The following RTKN2 variants were observed in gnomAD, a reference collection of about 807,000 sequenced individuals.
RTKN2 encodes the protein rhotekin-2.
A neutral mutation model predicts 71.5 loss-of-function variants in RTKN2; 69 were observed. The observed-to-expected ratio is 0.96, with a 90% confidence interval of 0.79 to 1.18. RTKN2 has a LOEUF of 1.18. Among genes scored for constraint, RTKN2 ranks in the 50% most tolerant of loss-of-function variants. The probability of loss-of-function intolerance (pLI) is 0.00; values close to 1 mark genes in which losing one functional copy is unlikely to be tolerated. For missense variants in RTKN2, 724 were observed against 719.7 expected (o/e 1.01, Z -0.07); for synonymous variants, 236 against 236.5 (o/e 1.00, Z 0.02).
At chr10:62,258,492 C>G (rs1220817726) in intron 2 of RTKN2, among the ~76,000 whole-genome samples, 1 of 152,140 alleles carries the variant, frequency 6.6e-6, no homozygotes, top group Non-Finnish European at 1.5e-5. Context: ...TTTATATGAT[C>G]ATTTCTATGT....
At chr10:62,254,324 C>A (rs144663699) in intron 2 of RTKN2, among the ~76,000 whole-genome samples, 1 of 152,056 alleles carries the variant, frequency 6.6e-6, no homozygotes, top group African/African-American at 2.4e-5. Flanking sequence ...CCCATTAGTT[C>A]GCTCGCTCTT....
At chr10:62,203,288 T>C (rs1271796197) in intron 10 of RTKN2, among the ~76,000 whole-genome samples, 1 of 152,138 alleles carries the variant, frequency 6.6e-6, no homozygotes, top group Non-Finnish European at 1.5e-5. Context: ...TAGCTATGAT[T>C]AGCAAAAGCA....
intron 5 of RTKN2, chr10:62,238,912 A>G (rs1036891130): frequency 1.3e-5 from 2 of 152,048 alleles, no homozygotes; most frequent in African/African-American, 4.8e-5. Flanking sequence ...AGATCTAAAG[A>G]TCGTGTCTTT....
chr10:62,255,720 A>AT (rs1419439127), intron 2 of RTKN2, among the ~76,000 whole-genome samples: 1 of 152,232 alleles, frequency 6.6e-6, no homozygotes, highest in Non-Finnish European at 1.5e-5. Flanking sequence ...TGAACTGCAA[A>AT]GGGAAAACCA....
At chr10:62,191,996 A>T (rs1301020427), downstream of RTKN2, among the ~76,000 whole-genome samples, 2 of 152,254 alleles carry the variant, frequency 1.3e-5, no homozygotes, top group East Asian at 1.9e-4. Flanking sequence ...TAGGTCCTAG[A>T]CTATGTGTTA....
chr10:62,241,592 G>GT (rs1842375841), intron 3 of RTKN2, among the ~76,000 whole-genome samples: 2 of 150,932 alleles, frequency 1.3e-5, no homozygotes, highest in Non-Finnish European at 3.0e-5. Context: ...TCTTTTTTTT[G>GT]TTTTTTGACA....
chr10:62,236,104 C>T lies in RTKN2; in HGVS notation c.648G>A (p.Glu216=). Residue 216 remains glutamate, a synonymous_variant, in exon 6 of 12, where the codon GAG becomes GAA. Coordinates refer to ENST00000373789, the MANE Select transcript of RTKN2 (RefSeq NM_145307.4). ...TGAGGAGCAAGCACATTTCATCATC[C>T]TCTTCTTGAAGCACTGAACTTATTT... ...GKKISSVLQE[E]DDEMCLLLSS... is the part of the protein sequence containing the mutation. 6.2e-7 allele frequency: 1 copy of T among 1,612,902 alleles called. No individual in the cohort carries two copies. The highest frequency in any genetic ancestry group is 8.5e-7 in the Non-Finnish European group (1 of 1,179,276).
At chr10:62,228,723 A>G (rs1842084678) in intron 6 of RTKN2, among the ~76,000 whole-genome samples, 1 of 152,180 alleles carries the variant, frequency 6.6e-6, no homozygotes, top group Non-Finnish European at 1.5e-5. Flanking sequence ...AGTGGGCTCT[A>G]GCGCACAAGT....
intron 6 of RTKN2, among the ~76,000 whole-genome samples, chr10:62,228,934 A>AACATGT (rs1564514367): frequency 2.0e-5 from 3 of 152,304 alleles, no homozygotes; most frequent in Non-Finnish European, 4.4e-5. Context: ...TAGAGAGGAG[A>AACATGT]ACATGTGAAA....
At chr10:62,223,957 GGT>G (rs1057254700) in intron 6 of RTKN2, among the ~76,000 whole-genome samples, 4 of 75,062 alleles carry the variant, frequency 5.3e-5, no homozygotes, top group East Asian at 6.5e-4. Flanking sequence ...ATGTGGGGTA[GGT>G]GTGTGTGTGT....
chr10:62,223,209 G>A (rs779270149), intron 7 of RTKN2, 29 bp downstream of exon 7: 30 of 1,261,008 alleles, frequency 2.4e-5, no homozygotes, highest in Non-Finnish European at 3.3e-5. Flanking sequence ...CAGAATATAT[G>A]TAATAAGTAA....
chr10:62,243,185 C>T (rs992016126), intron 3 of RTKN2, among the ~76,000 whole-genome samples: 3 of 142,020 alleles, frequency 2.1e-5, no homozygotes, highest in African/African-American at 7.9e-5. Flanking sequence ...TTCCTGTGTC[C>T]ATGTGTTCTC....
In RTKN2 at chr10:62,196,516, G is replaced by T; in HGVS notation, c.*1392C>A. Reference sequence around the variant, plus strand: ...AAAGACCCCGCTATCTGAAAATAATGAAAGGCTCCATTTAAATTAATGTGG... The same window carrying T: ...AAAGACCCCGCTATCTGAAAATAATTAAAGGCTCCATTTAAATTAATGTGG... On this transcript the variant is annotated 3_prime_UTR_variant, in exon 12 of 12. Transcript: ENST00000373789. The T allele has an allele frequency of 1.0e-6, 1 of 985,308 alleles. No individual in the cohort carries two copies. The highest frequency in any genetic ancestry group is 1.2e-6 in the Non-Finnish European group (1 of 829,854). The allele number at this position is 985,308 out of a possible 1,614,324, so 61.0% of individuals were successfully genotyped here.
intron 9 of RTKN2, among the ~76,000 whole-genome samples, chr10:62,216,036 T>A (rs772869034): frequency 1.3e-5 from 2 of 151,938 alleles, no homozygotes; most frequent in Non-Finnish European, 2.9e-5. Context: ...ATAAAAGGTC[T>A]CACTAAAAGA....
intron 6 of RTKN2, among the ~76,000 whole-genome samples, chr10:62,235,673 T>TGG (rs1484037157): frequency 1.4e-5 from 1 of 69,340 alleles, no homozygotes; most frequent in Admixed American, 1.7e-4. Context: ...AAGGTGTGTG[T>TGG]GTGTGTGTGT....
intron 2 of RTKN2, among the ~76,000 whole-genome samples, chr10:62,261,578 G>A (rs1018206322): frequency 3.3e-5 from 5 of 152,138 alleles, no homozygotes; most frequent in Admixed American, 1.3e-4. Flanking sequence ...TTGAACCCGG[G>A]AGGCAGAGGT....
chr10:62,254,572 C>A (rs1006510033), intron 2 of RTKN2, among the ~76,000 whole-genome samples: 6 of 152,048 alleles, frequency 3.9e-5, no homozygotes, highest in Admixed American at 6.6e-5. Flanking sequence ...CAGGGATGTA[C>A]ATATATGTGT....
At chr10:62,262,521 A>G in intron 2 of RTKN2, 104 bp downstream of exon 2, 1 of 767,108 alleles carries the variant, frequency 1.3e-6, no homozygotes, top group South Asian at 2.2e-5. Flanking sequence ...TGTTTTTTAA[A>G]ACAGTTTGGT....
At chr10:62,232,450 G>T (rs750249291) in intron 6 of RTKN2, among the ~76,000 whole-genome samples, 6 of 151,608 alleles carry the variant, frequency 4.0e-5, no homozygotes, top group Non-Finnish European at 7.4e-5. Flanking sequence ...GGGTAGTTGG[G>T]ACTACAGCTG....
Sources: allele counts gnomAD v4.1 joint callset (sites outside exome capture counted in the v4.1 genomes callset), GRCh38; gene constraint gnomAD v4.1.1; transcripts MANE v1.5; gene names NCBI Gene and HGNC (gene_info 2026-07-23, HGNC 2026-07-21).